GLIS3: variants seen among roughly 807,000 people sequenced by gnomAD.
GLIS3 encodes GLIS family zinc finger 3, also known as zinc finger protein GLIS3.
GLIS3 carries 53 observed loss-of-function variants against 78.6 expected under a neutral mutation model. The ratio of observed to expected loss-of-function variants is 0.67; its 90% CI spans 0.54 to 0.85. GLIS3 has a LOEUF of 0.85. Ranked by LOEUF, GLIS3 falls within the 40% of genes least tolerant of loss-of-function variation. The probability of loss-of-function intolerance (pLI) is 0.00; values close to 1 mark genes in which losing one functional copy is unlikely to be tolerated. For synonymous variants in GLIS3, 684 were observed against 509.9 expected (o/e 1.34, Z -4.60); for missense variants, 1,703 against 1,231.1 (o/e 1.38, Z -5.74).
chr9:3,948,662 A>G (rs1816462826), intron 4 of GLIS3, among the ~76,000 whole-genome samples: 1 of 152,196 alleles, frequency 6.6e-6, no homozygotes, highest in African/African-American at 2.4e-5. Context: ...AGATGAAACT[A>G]TTTCATCATC....
intron 2 of GLIS3, among the ~76,000 whole-genome samples, chr9:4,343,158 G>T (rs771149622): frequency 1.1e-4 from 15 of 141,070 alleles, no homozygotes; most frequent in Admixed American, 3.7e-4. Context: ...GGGCAACATA[G>T]CAAGACCTCA....
At chr9:4,366,522 C>T in the GLIS3 span, among the ~76,000 whole-genome samples, 1 of 152,186 alleles carries the variant, frequency 6.6e-6, no homozygotes, top group African/African-American at 2.4e-5. Flanking sequence ...CTGTTTCTTT[C>T]CTGTATTCAG....
intron 2 of GLIS3, among the ~76,000 whole-genome samples, chr9:4,204,132 C>G (rs568856694): frequency 2.0e-5 from 3 of 152,072 alleles, no homozygotes; most frequent in Non-Finnish European, 4.4e-5. Context: ...ACTAAAATGT[C>G]AGATAGCCAA....
chr9:4,254,142 A>C (rs1002461198), intron 2 of GLIS3, among the ~76,000 whole-genome samples: 1 of 152,244 alleles, frequency 6.6e-6, no homozygotes, highest in African/African-American at 2.4e-5. Context: ...ACAAACATTT[A>C]TTTAATATTT....
chr9:4,196,898 G>T (rs573546619), intron 2 of GLIS3, among the ~76,000 whole-genome samples: 1 of 152,164 alleles, frequency 6.6e-6, no homozygotes, highest in Non-Finnish European at 1.5e-5. Context: ...GCCCCAGCCT[G>T]TTCCCCTGAG....
intron 6 of GLIS3, among the ~76,000 whole-genome samples, chr9:3,916,328 C>T (rs543595466): frequency 1.9e-3 from 290 of 152,318 alleles, no homozygotes; most frequent in African/African-American, 6.7e-3. Flanking sequence ...TTCTACCTCC[C>T]CACTGGGGGA....
At chr9:4,397,246 C>T in the GLIS3 span, among the ~76,000 whole-genome samples, 2 of 147,172 alleles carry the variant, frequency 1.4e-5, no homozygotes, top group East Asian at 2.0e-4. Context: ...GGGATGGTCT[C>T]GATCTCCTGA....
At chr9:3,909,301 T>C (rs1021548882) in intron 6 of GLIS3, among the ~76,000 whole-genome samples, 17 of 152,230 alleles carry the variant, frequency 1.1e-4, no homozygotes, top group Non-Finnish European at 7.3e-5. Flanking sequence ...CAGTTGAACC[T>C]AGGAATTCCA....
chr9:4,106,525 G>A lies in GLIS3; in HGVS notation c.1710+11243C>T, dbSNP rs543705264. The stretch of plus-strand genomic sequence containing the variant: ...TAAAGGACATATTATAAAGAGCCAG[G>A]CAATTTCATTTTGTTTGAATATATT... On this transcript the variant is annotated intron_variant, in intron 4 of 10. Coordinates refer to ENST00000381971, the MANE Select transcript of GLIS3 (RefSeq NM_001042413.2). Among the ~76,000 whole-genome samples the A allele has an allele frequency of 3.3e-5, 5 of 152,126 alleles. No individual in the cohort carries two copies. The South Asian group carries it at 1.0e-3, about 31-fold the overall frequency.
intron 4 of GLIS3, among the ~76,000 whole-genome samples, chr9:3,988,848 A>C (rs911746674): frequency 2.0e-5 from 3 of 152,168 alleles, no homozygotes; most frequent in African/African-American, 7.2e-5. Flanking sequence ...GTTAGGATTT[A>C]GAGTTAGGCA....
intron 4 of GLIS3, among the ~76,000 whole-genome samples, chr9:4,010,036 G>A (rs961912462): frequency 2.6e-5 from 4 of 152,104 alleles, no homozygotes; most frequent in African/African-American, 7.2e-5. Context: ...TCATTGTGGC[G>A]GGGGGCCAGT....
At chr9:4,148,834 G>A (rs554717497) in intron 2 of GLIS3, among the ~76,000 whole-genome samples, 4 of 152,206 alleles carry the variant, frequency 2.6e-5, no homozygotes, top group Non-Finnish European at 4.4e-5. Context: ...TGGGGGTAAC[G>A]TGGCCAGAGC....
At chr9:4,119,162 A>T (rs539256950) in intron 3 of GLIS3, among the ~76,000 whole-genome samples, 3 of 152,344 alleles carry the variant, frequency 2.0e-5, no homozygotes, top group Admixed American at 1.3e-4. Context: ...AGTAATAAAT[A>T]GTCCTTGCTT....
At chr9:3,929,513 T>C (rs937978090) in intron 6 of GLIS3, among the ~76,000 whole-genome samples, 1 of 152,268 alleles carries the variant, frequency 6.6e-6, no homozygotes, top group African/African-American at 2.4e-5. Flanking sequence ...TCTATGGCTA[T>C]GGGTGCCTTG....
intron 4 of GLIS3, among the ~76,000 whole-genome samples, chr9:4,060,087 T>C (rs570148553): frequency 6.6e-6 from 1 of 152,010 alleles, no homozygotes; most frequent in African/African-American, 2.4e-5. Context: ...TGTGAGCCCA[T>C]TTGGTAGCCC....
intron 1 of GLIS3, among the ~76,000 whole-genome samples, chr9:4,293,560 A>T (rs150791743): frequency 1.4e-4 from 21 of 152,366 alleles, no homozygotes; most frequent in African/African-American, 5.0e-4. Context: ...AGTGGAATCT[A>T]TCGGTCATGC....
At chr9:3,965,229 C>G (rs1299900098) in intron 4 of GLIS3, among the ~76,000 whole-genome samples, 1 of 124,004 alleles carries the variant, frequency 8.1e-6, no homozygotes, top group Non-Finnish European at 1.6e-5. Flanking sequence ...GAGTCTCGCT[C>G]AGTGCCCAGG....
intron 4 of GLIS3, among the ~76,000 whole-genome samples, chr9:3,982,013 T>TAA (rs200094393): frequency 6.6e-6 from 1 of 151,160 alleles, no homozygotes; most frequent in East Asian, 1.9e-4. Flanking sequence ...TGCTTACACT[T>TAA]AAAAAAAAAT....
At chr9:3,932,522 TG>T (rs1217258891) in intron 5 of GLIS3, 52 bp from the exon 6 acceptor site, 2 of 1,273,680 alleles carry the variant, frequency 1.6e-6, no homozygotes, top group Non-Finnish European at 2.3e-6. Flanking sequence ...TAAAGGTAAT[TG>T]GGGAATGTTT....
Sources: allele counts gnomAD v4.1 joint callset (sites outside exome capture counted in the v4.1 genomes callset), GRCh38; gene constraint gnomAD v4.1.1; transcripts MANE v1.5; gene names NCBI Gene and HGNC (gene_info 2026-07-23, HGNC 2026-07-21).